The following CNTN5 variants were observed in gnomAD, a reference collection of about 807,000 sequenced individuals.
The protein encoded by CNTN5 is contactin-5.
CNTN5 carries 77 observed loss-of-function variants against 129.1 expected under a neutral mutation model. The ratio of observed to expected loss-of-function variants is 0.60; its 90% CI spans 0.50 to 0.72. The LOEUF is 0.72. CNTN5 is among the 30% of genes least tolerant of loss of function. CNTN5 has a pLI of 0.00. For missense variants in CNTN5, 1,478 were observed against 1,328.8 expected (o/e 1.11, Z -1.75); for synonymous variants, 509 against 465.6 (o/e 1.09, Z -1.20).
chr11:99,655,635 C>T (rs1437053586), intron 3 of CNTN5, among the ~76,000 whole-genome samples: 2 of 152,068 alleles, frequency 1.3e-5, no homozygotes, highest in Non-Finnish European at 2.9e-5. Context: ...TGGCTTTGAA[C>T]ACGGAATACT....
In CNTN5 at chr11:99,671,135, C is replaced by G. The variant is rs1591454778; in HGVS notation, c.55+114866C>G. Among the ~76,000 whole-genome samples, 3 of 126,556 alleles carry G rather than the reference C, an allele frequency of 2.4e-5. No individual in the cohort carries two copies. In the Admixed American group the frequency reaches 2.9e-4, roughly 12 times the overall value. 83.0% of individuals were successfully genotyped at this position (126,556 alleles called of 152,430 possible). ...CTCTTGCTCTCTCTCTCTTGGCTTC[C>G]CATGTAGATTGAGTTTTTTTTTTTT... On this transcript the variant is annotated intron_variant, in intron 3 of 24. Transcript: ENST00000524871.
At chr11:100,195,399 G>T (rs2138522465) in intron 15 of CNTN5, among the ~76,000 whole-genome samples, 1 of 152,066 alleles carries the variant, frequency 6.6e-6, no homozygotes, top group South Asian at 2.1e-4. Context: ...TTAGGTTGAT[G>T]TCATTCATTT....
intron 1 of CNTN5, among the ~76,000 whole-genome samples, chr11:99,214,354 A>T (rs1860002391): frequency 6.7e-6 from 1 of 149,452 alleles, no homozygotes; most frequent in Non-Finnish European, 1.5e-5. Context: ...CAATTTCAGA[A>T]AATTAAGATA....
intron 1 of CNTN5, among the ~76,000 whole-genome samples, chr11:99,031,773 TTTA>T (rs1217590668): frequency 1.3e-5 from 2 of 152,072 alleles, no homozygotes; most frequent in African/African-American, 4.8e-5. Flanking sequence ...TCTTTTTTTT[TTTA>T]TTATTATACT....
intron 2 of CNTN5, among the ~76,000 whole-genome samples, chr11:99,494,761 A>C (rs1946162933): frequency 6.6e-6 from 1 of 152,100 alleles, no homozygotes; most frequent in African/African-American, 2.4e-5. Flanking sequence ...GCTCCAAGTA[A>C]AGGTGTCGTT....
chr11:100,247,698 T>C (rs1485324700), intron 16 of CNTN5, among the ~76,000 whole-genome samples: 2 of 152,220 alleles, frequency 1.3e-5, no homozygotes, highest in Non-Finnish European at 2.9e-5. Context: ...TAATTCTTCA[T>C]AACTTTATTA....
chr11:99,763,620 G>C (rs2135292292), intron 3 of CNTN5, among the ~76,000 whole-genome samples: 1 of 151,994 alleles, frequency 6.6e-6, no homozygotes, highest in South Asian at 2.1e-4. Context: ...CTAGAAAATA[G>C]GTACACCCAC....
intron 3 of CNTN5, among the ~76,000 whole-genome samples, chr11:99,563,897 G>C (rs982452200): frequency 6.6e-6 from 1 of 152,116 alleles, no homozygotes; most frequent in Non-Finnish European, 1.5e-5. Context: ...AATCCCATGA[G>C]CCAAGATCAG....
chr11:99,150,094 C>T (rs1317176389), intron 1 of CNTN5, among the ~76,000 whole-genome samples: 1 of 151,892 alleles, frequency 6.6e-6, no homozygotes, highest in African/African-American at 2.4e-5. Context: ...TTAAATGTAA[C>T]CTTATTAAAA....
intron 3 of CNTN5, among the ~76,000 whole-genome samples, chr11:99,745,190 CT>C (rs1944015422): frequency 6.6e-6 from 1 of 152,098 alleles, no homozygotes; most frequent in South Asian, 2.1e-4. Flanking sequence ...CCTGCTCACC[CT>C]TATAAATTTC....
At chr11:99,943,594 A>T (rs1456683722) in intron 7 of CNTN5, among the ~76,000 whole-genome samples, 1 of 152,088 alleles carries the variant, frequency 6.6e-6, no homozygotes, top group Non-Finnish European at 1.5e-5. Context: ...TGTTTCAGTC[A>T]TGAAGTCTTT....
chr11:99,191,916 G>A (rs2066848148), intron 1 of CNTN5, among the ~76,000 whole-genome samples: 2 of 151,638 alleles, frequency 1.3e-5, no homozygotes, highest in African/African-American at 4.8e-5. Flanking sequence ...GCAAGAATAA[G>A]TTAAGCCCAA....
chr11:99,121,646 G>A (rs75070959), intron 1 of CNTN5, among the ~76,000 whole-genome samples: 5,001 of 152,234 alleles, frequency 0.033, 118 homozygotes, highest in South Asian at 0.065. Context: ...ACTTTTTAAA[G>A]GTAAAATATG....
chr11:99,678,482 G>A (rs958949023), intron 3 of CNTN5, among the ~76,000 whole-genome samples: 4 of 151,992 alleles, frequency 2.6e-5, no homozygotes, highest in Non-Finnish European at 5.9e-5. Context: ...GAAGGAATGC[G>A]AACGGGAAAC....
chr11:99,363,203 A>G (rs546036681), intron 2 of CNTN5, among the ~76,000 whole-genome samples: 11 of 152,238 alleles, frequency 7.2e-5, no homozygotes, highest in African/African-American at 2.6e-4. Flanking sequence ...GCAATATTTT[A>G]TAATTTTAGA....
chr11:99,680,737 G>C (rs1003700818), intron 3 of CNTN5, among the ~76,000 whole-genome samples: 2 of 151,826 alleles, frequency 1.3e-5, no homozygotes, highest in Non-Finnish European at 2.9e-5. Context: ...CTTTGCCCAG[G>C]AATATTAGAA....
At chr11:99,806,486 T>C (rs952788579) in intron 3 of CNTN5, among the ~76,000 whole-genome samples, 5 of 151,772 alleles carry the variant, frequency 3.3e-5, no homozygotes, top group African/African-American at 1.2e-4. Flanking sequence ...TCTGAATCCA[T>C]TTTTTTTAAC....
At chr11:99,278,566 G>T (rs1261165601) in intron 1 of CNTN5, among the ~76,000 whole-genome samples, 1 of 151,574 alleles carries the variant, frequency 6.6e-6, no homozygotes, top group Non-Finnish European at 1.5e-5. Context: ...TGATGATAAG[G>T]AGCTAAAATA....
At chr11:100,126,300 A>G (rs1946181241) in intron 13 of CNTN5, among the ~76,000 whole-genome samples, 1 of 152,122 alleles carries the variant, frequency 6.6e-6, no homozygotes, top group South Asian at 2.1e-4. Flanking sequence ...GTAGATGTCT[A>G]CTAGGTCCAA....
Sources: gnomAD v4.1 joint callset for allele counts (sites outside exome capture counted in the v4.1 genomes callset) on GRCh38, gnomAD v4.1.1 for gene constraint, MANE v1.5 for transcripts, NCBI Gene and HGNC (gene_info 2026-07-23, HGNC 2026-07-21) for gene names.